SEMA6D: variants seen among roughly 807,000 people sequenced by gnomAD.
The protein encoded by SEMA6D is semaphorin 6D, also known as semaphorin-6D.
SEMA6D carries 35 observed loss-of-function variants against 106.6 expected under a neutral mutation model. The ratio of observed to expected loss-of-function variants is 0.33; its 90% CI spans 0.25 to 0.44. SEMA6D has a LOEUF of 0.44. SEMA6D is among the 20% of genes least tolerant of loss of function. The pLI is 1.00. For missense variants in SEMA6D, 1,185 were observed against 1,345.9 expected (o/e 0.88, Z 1.87); for synonymous variants, 499 against 487.7 (o/e 1.02, Z -0.31).
intron 1 of SEMA6D, among the ~76,000 whole-genome samples, chr15:47,286,962 T>G (rs890795631): frequency 6.6e-6 from 1 of 152,154 alleles, no homozygotes; most frequent in African/African-American, 2.4e-5. Context: ...GTGGAAGACA[T>G]TTCTAGTGTT....
At chr15:47,549,333 C>T (rs537933889) in intron 3 of SEMA6D, among the ~76,000 whole-genome samples, 60 of 152,240 alleles carry the variant, frequency 3.9e-4, no homozygotes, top group African/African-American at 1.3e-3. Context: ...GAAGATGTGA[C>T]CCTGAGGGTC....
At chr15:47,308,583 G>A (rs959223360) in intron 1 of SEMA6D, among the ~76,000 whole-genome samples, 3 of 152,180 alleles carry the variant, frequency 2.0e-5, no homozygotes, top group African/African-American at 7.2e-5. Flanking sequence ...CTCTTTGGCA[G>A]AAGAGTTTCT....
chr15:47,296,952 A>T (rs1299488631), intron 1 of SEMA6D, among the ~76,000 whole-genome samples: 1 of 152,176 alleles, frequency 6.6e-6, no homozygotes. Context: ...GGAAAATAAA[A>T]TGGCTGTAAT....
Position 47,477,157 on chromosome 15 carries a change from CA to C in SEMA6D, c.-87+6613del, listed in dbSNP as rs140067558. 3.6e-3 allele frequency among the ~76,000 whole-genome samples: 544 copies of C among 152,148 alleles called. 4 individuals are homozygous for C. Among genetic ancestry groups the C allele is most frequent in the African/African-American group, 0.013 (520 of 41,520 alleles). Reference sequence around the variant, plus strand: ...CCTTTCCCTGAAATTAATTGCGTAGCACTTGTTTTTGTTTTTGTTTCCTCTG... The same window carrying C: ...CCTTTCCCTGAAATTAATTGCGTAGCCTTGTTTTTGTTTTTGTTTCCTCTG... On this transcript the variant is annotated intron_variant, in intron 3 of 19. Coordinates refer to the SEMA6D transcript ENST00000558014.
At chr15:47,343,222 T>A (rs1290890414) in intron 1 of SEMA6D, among the ~76,000 whole-genome samples, 3 of 143,510 alleles carry the variant, frequency 2.1e-5, no homozygotes, top group South Asian at 2.1e-4. Context: ...AATTCTTTTT[T>A]AAAAAAACGA....
chr15:47,766,464 AT>A, intron 15 of SEMA6D, 151 bp from the exon 16 acceptor site: 1 of 697,648 alleles, frequency 1.4e-6, no homozygotes, highest in Non-Finnish European at 2.4e-6. Context: ...AGAAATAGTC[AT>A]TTTAGCAAGT....
At chr15:47,672,273 C>G (rs2078152114) in intron 4 of SEMA6D, among the ~76,000 whole-genome samples, 3 of 152,182 alleles carry the variant, frequency 2.0e-5, no homozygotes, top group African/African-American at 7.2e-5. Flanking sequence ...CTGACGTTGT[C>G]ATACCACTGC....
intron 4 of SEMA6D, among the ~76,000 whole-genome samples, chr15:47,604,866 A>ATTTTT (rs56218960): frequency 0.11 from 16,094 of 144,056 alleles, 1,228 homozygotes; most frequent in African/African-American, 0.18. Context: ...TGCCTGGCTA[A>ATTTTT]TTTTTTTTTT....
At chr15:47,398,592 A>T (rs2040294881) in intron 1 of SEMA6D, among the ~76,000 whole-genome samples, 1 of 152,218 alleles carries the variant, frequency 6.6e-6, no homozygotes, top group Non-Finnish European at 1.5e-5. Context: ...GATTCAGCTG[A>T]GAATTTTAAA....
chr15:47,457,569 A>G (rs1567093155), intron 2 of SEMA6D, among the ~76,000 whole-genome samples: 1 of 151,986 alleles, frequency 6.6e-6, no homozygotes, highest in Non-Finnish European at 1.5e-5. Flanking sequence ...AAAAATATGT[A>G]GGAAGAGACT....
At chr15:47,449,050 G>A (rs551925926) in intron 2 of SEMA6D, among the ~76,000 whole-genome samples, 8 of 152,056 alleles carry the variant, frequency 5.3e-5, no homozygotes, top group South Asian at 2.1e-4. Context: ...ACCCTCCTAC[G>A]CACGTTCTGA....
At chr15:47,486,558 G>T (rs920444582) in intron 3 of SEMA6D, among the ~76,000 whole-genome samples, 7 of 152,156 alleles carry the variant, frequency 4.6e-5, no homozygotes, top group African/African-American at 1.7e-4. Context: ...ACAGCTGGAC[G>T]TGCACTACAA....
intron 1 of SEMA6D, among the ~76,000 whole-genome samples, chr15:47,245,619 T>C (rs1364564578): frequency 6.6e-6 from 1 of 152,232 alleles, no homozygotes; most frequent in Non-Finnish European, 1.5e-5. Context: ...TCTACTGTTA[T>C]GTATCCATTT....
chr15:47,325,481 G>A (rs764999734), intron 1 of SEMA6D, among the ~76,000 whole-genome samples: 6 of 152,192 alleles, frequency 3.9e-5, no homozygotes, highest in Admixed American at 1.3e-4. Flanking sequence ...AGGGTGAAGC[G>A]TTTTAGATCC....
Position 47,239,527 on chromosome 15 carries a change from A to G in SEMA6D, c.-239+55109A>G, listed in dbSNP as rs150443931. ...ATCCTACTTCCCAAATGCTTCCCAT[A>G]TTATTCTAAAGAGCAGACAGGATTG... On this transcript the variant is annotated intron_variant, in intron 1 of 19. Coordinates refer to the SEMA6D transcript ENST00000558014. Among the ~76,000 whole-genome samples, 91 of 152,244 alleles carry G rather than the reference A, an allele frequency of 6.0e-4. No individual in the cohort carries two copies. The East Asian group carries it at 0.013, about 22-fold the overall frequency.
At position 47,761,496 on chromosome 15, in the gene SEMA6D, A is replaced by G. The variant is rs2147717479; in HGVS notation, c.447+65A>G. ...TTTCTCCCTTCACTGATATGCTGTTAGAGTTGAAATCTTTCTGCTTTCCAG... is the reference window on the plus strand; with the variant it reads ...TTTCTCCCTTCACTGATATGCTGTTGGAGTTGAAATCTTTCTGCTTTCCAG... On this transcript the variant is annotated intron_variant, in intron 6 of 18. Coordinates refer to ENST00000536845, the MANE Select transcript of SEMA6D (RefSeq NM_001358351.3). 2.2e-6 allele frequency: 3 copies of G among 1,377,752 alleles called. No individual in the cohort carries two copies. In the South Asian group the frequency reaches 3.9e-5, roughly 18 times the overall value. 85.3% of individuals were successfully genotyped at this position (1,377,752 alleles called of 1,614,324 possible). A position where few individuals can be genotyped will look rare whatever the true frequency, so the allele number is the denominator to read the frequency against.
intron 2 of SEMA6D, among the ~76,000 whole-genome samples, chr15:47,418,917 C>A (rs16959437): frequency 0.015 from 2,262 of 152,260 alleles, 65 homozygotes; most frequent in African/African-American, 0.052. Context: ...TCACATTAGA[C>A]TGCGTAAGTG....
intron 1 of SEMA6D, among the ~76,000 whole-genome samples, chr15:47,376,431 A>G (rs578064509): frequency 3.9e-5 from 6 of 152,306 alleles, no homozygotes; most frequent in African/African-American, 1.4e-4. Context: ...TGGTTTCACA[A>G]TGGAGATGTT....
rs1435712218 is a variant in SEMA6D at position 47,759,703 on chromosome 15, A to G, written c.-54-42A>G. Reference sequence around the variant, plus strand: ...TGATTACAAACAAGAAAACCGCTTCATTGCAGCATAGAGATCTTTCCAAAC... The same window carrying G: ...TGATTACAAACAAGAAAACCGCTTCGTTGCAGCATAGAGATCTTTCCAAAC... On this transcript the variant is annotated intron_variant, in intron 1 of 18. Coordinates refer to ENST00000536845, the MANE Select transcript of SEMA6D (RefSeq NM_001358351.3). 13 of 876,372 alleles carry G rather than the reference A, an allele frequency of 1.5e-5. No individual in the cohort carries two copies. In the East Asian group the frequency reaches 2.7e-4, roughly 18 times the overall value. 54.3% of individuals were successfully genotyped at this position (876,372 alleles called of 1,614,324 possible).
Sources: allele counts gnomAD v4.1 joint callset (sites outside exome capture counted in the v4.1 genomes callset), GRCh38; gene constraint gnomAD v4.1.1; transcripts MANE v1.5; gene names NCBI Gene and HGNC (gene_info 2026-07-23, HGNC 2026-07-21).